PDE4D: variants seen among roughly 807,000 people sequenced by gnomAD.
PDE4D encodes the protein 3',5'-cyclic-AMP phosphodiesterase 4D.
Under a neutral mutation model 87.4 loss-of-function variants are expected in PDE4D, and 24 were observed. The observed-to-expected ratio is 0.27, with a 90% CI of 0.20 to 0.39. The LOEUF is 0.39. Ranked by LOEUF, PDE4D falls within the 10% of genes least tolerant of loss-of-function variation. The probability of loss-of-function intolerance (pLI) is 1.00; values close to 1 mark genes in which losing one functional copy is unlikely to be tolerated. For missense variants in PDE4D, 714 were observed against 1,041.0 expected (o/e 0.69, Z 4.32); for synonymous variants, 384 against 383.2 (o/e 1.00, Z -0.02).
rs1476278467 is a variant in PDE4D at position 60,460,140 on chromosome 5, C to G, written c.-90+27802G>C. 1.4e-5 allele frequency: 22 copies of G among 1,600,036 alleles called. No homozygotes were observed. The Admixed American group carries it at 3.2e-4, about 23-fold the overall frequency. ...TCTCTGGTTCCTCATGCTGCCTCTTCCTGCTGGCTTTATTCTGCATTTGAC... is the reference window on the plus strand; with the variant it reads ...TCTCTGGTTCCTCATGCTGCCTCTTGCTGCTGGCTTTATTCTGCATTTGAC... On this transcript the variant is annotated intron_variant, in intron 1 of 16. Coordinates refer to the PDE4D transcript ENST00000502484.
intron 6 of PDE4D, among the ~76,000 whole-genome samples, chr5:59,032,268 C>A (rs959227544): frequency 5.3e-5 from 8 of 152,038 alleles, no homozygotes; most frequent in African/African-American, 1.9e-4. Context: ...ATAAAAAATA[C>A]ATTAAGTTAA....
At chr5:59,096,022 G>A (rs1769637036) in intron 5 of PDE4D, among the ~76,000 whole-genome samples, 1 of 152,226 alleles carries the variant, frequency 6.6e-6, no homozygotes, top group East Asian at 1.9e-4. Context: ...GCTGGTTACT[G>A]TGGAAGAAAT....
chr5:60,265,338 G>A (rs1464089027), intron 1 of PDE4D, among the ~76,000 whole-genome samples: 1 of 152,212 alleles, frequency 6.6e-6, no homozygotes, highest in Admixed American at 6.5e-5. Flanking sequence ...ACAAGAGGAT[G>A]TGACTGGCTT....
intron 1 of PDE4D, among the ~76,000 whole-genome samples, chr5:60,308,951 TG>T (rs1754752432): frequency 6.6e-6 from 1 of 152,166 alleles, no homozygotes; most frequent in Non-Finnish European, 1.5e-5. Flanking sequence ...AAATATAAAT[TG>T]GCAGATTACA....
chr5:60,259,676 C>T (rs1262929505), intron 1 of PDE4D, among the ~76,000 whole-genome samples: 1 of 152,054 alleles, frequency 6.6e-6, no homozygotes, highest in Non-Finnish European at 1.5e-5. Flanking sequence ...CAAGGCAGTG[C>T]CTTCCACTTA....
chr5:60,215,903 TAGC>T (rs1232762361), intron 1 of PDE4D, among the ~76,000 whole-genome samples: 2 of 152,202 alleles, frequency 1.3e-5, no homozygotes, highest in Non-Finnish European at 2.9e-5. Context: ...ATACTAGAAG[TAGC>T]AATTATTCAA....
rs575464715 is a variant in PDE4D, at chr5:60,336,482, G to T, written c.-89-150795C>A. 2.0e-5 allele frequency among the ~76,000 whole-genome samples: 3 copies of T among 152,290 alleles called. 1 individual carries two copies. The South Asian group carries it at 6.2e-4, about 32-fold the overall frequency. Reference sequence around the variant, plus strand: ...CCACAGACCACATCCACCTATTTCAGGGTGCCCGTGCTTCCTGAGTCCCAT... The same window carrying T: ...CCACAGACCACATCCACCTATTTCATGGTGCCCGTGCTTCCTGAGTCCCAT... On this transcript the variant is annotated intron_variant, in intron 1 of 16. Coordinates refer to the PDE4D transcript ENST00000502484.
chr5:59,073,507 C>CGGGGG (rs56301552), intron 5 of PDE4D, among the ~76,000 whole-genome samples: 504 of 38,100 alleles, frequency 0.013, no homozygotes, highest in Middle Eastern at 0.036. Flanking sequence ...AAGTGGGGGG[C>CGGGGG]GGGGGGGGCG....
intron 1 of PDE4D, among the ~76,000 whole-genome samples, chr5:60,270,528 T>C (rs1392876907): frequency 6.6e-6 from 1 of 152,236 alleles, no homozygotes; most frequent in East Asian, 1.9e-4. Flanking sequence ...TGTTTTATTT[T>C]GCTTTTTATT....
Position 59,060,295 on chromosome 5 carries a change from T to G in PDE4D, c.809-21324A>C, listed in dbSNP as rs922271966. Among the ~76,000 whole-genome samples, 15 of 152,262 alleles carry G rather than the reference T, an allele frequency of 9.9e-5. No individual in the cohort carries two copies. The Middle Eastern group carries it at 0.01, about 104-fold the overall frequency. ...TAGAGGTGCCATATTAACCTCGGAC[T>G]GCCAACTTTCAGATTTTACATGAAG... On this transcript the variant is annotated intron_variant, in intron 5 of 14. Transcript: ENST00000340635.
At chr5:59,395,938 G>A (rs1789326263) in intron 1 of PDE4D, among the ~76,000 whole-genome samples, 1 of 120,128 alleles carries the variant, frequency 8.3e-6, no homozygotes, top group African/African-American at 3.3e-5. Context: ...GAAGAATGCA[G>A]AAGCCTCAGG....
At chr5:59,385,888 C>G (rs1469880258) in intron 1 of PDE4D, among the ~76,000 whole-genome samples, 4 of 152,178 alleles carry the variant, frequency 2.6e-5, no homozygotes, top group Non-Finnish European at 5.9e-5. Flanking sequence ...ACCAGATCTG[C>G]ACCACAGACA....
chr5:59,241,253 T>G (rs1298745826), intron 1 of PDE4D, among the ~76,000 whole-genome samples: 1 of 152,196 alleles, frequency 6.6e-6, no homozygotes, highest in South Asian at 2.1e-4. Flanking sequence ...CAACTAGGTC[T>G]GCTACCCTGC....
At chr5:59,668,817 AAG>A (rs879676879) in intron 1 of PDE4D, among the ~76,000 whole-genome samples, 1,986 of 91,612 alleles carry the variant, frequency 0.022, 183 homozygotes, top group African/African-American at 0.099. Context: ...GAAGAAGAAG[AAG>A]AAGAAGAAGA....
At chr5:59,504,458 T>C (rs1250477011) in intron 1 of PDE4D, among the ~76,000 whole-genome samples, 1 of 152,168 alleles carries the variant, frequency 6.6e-6, no homozygotes, top group Non-Finnish European at 1.5e-5. Flanking sequence ...CCAATCAATA[T>C]AAACACGTGC....
At chr5:59,583,268 T>C (rs1435336499) in intron 1 of PDE4D, among the ~76,000 whole-genome samples, 1 of 152,208 alleles carries the variant, frequency 6.6e-6, no homozygotes, top group Non-Finnish European at 1.5e-5. Flanking sequence ...TGGCATGTGA[T>C]TCCAGGTCAT....
At chr5:60,246,704 A>G (rs926868230) in intron 1 of PDE4D, among the ~76,000 whole-genome samples, 1 of 151,790 alleles carries the variant, frequency 6.6e-6, no homozygotes, top group Non-Finnish European at 1.5e-5. Flanking sequence ...TTCATAGTCT[A>G]TGTGATAGTT....
rs1751276789 is a variant in PDE4D at position 59,893,454 on chromosome 5, G to A, written c.169C>T (p.Leu57=). ...GGCGAGGGTGGCGGCGGCGGGGGCAGGTGGTGATGGGGATGCAGGAGGCGG... is the reference window on the plus strand; with the variant it reads ...GGCGAGGGTGGCGGCGGCGGGGGCAAGTGGTGATGGGGATGCAGGAGGCGG... ...QFRLLHPHHH[L]PPPPPPSPQP... Residue 57 remains leucine, a synonymous_variant, in exon 1 of 15, where the codon CTG becomes TTG. Transcript: ENST00000340635. 5 of 1,525,340 alleles carry A rather than the reference G, an allele frequency of 3.3e-6. No individual in the cohort carries two copies. Among genetic ancestry groups the A allele is most frequent in the East Asian group, 2.6e-5 (1 of 38,834 alleles). 94.5% of individuals were successfully genotyped at this position (1,525,340 alleles called of 1,614,324 possible). A position where few individuals can be genotyped will look rare whatever the true frequency, so the allele number is the denominator to read the frequency against.
chr5:59,185,038 A>G (rs1742571137), intron 4 of PDE4D, 151 bp downstream of exon 4: 2 of 567,656 alleles, frequency 3.5e-6, no homozygotes, highest in African/African-American at 3.8e-5. Flanking sequence ...AAGTATTTAT[A>G]GAAAATTAAC....
Sources: gnomAD v4.1 joint callset for allele counts (sites outside exome capture counted in the v4.1 genomes callset) on GRCh38, gnomAD v4.1.1 for gene constraint, MANE v1.5 for transcripts, NCBI Gene and HGNC (gene_info 2026-07-23, HGNC 2026-07-21) for gene names.